ZBTB7C: variants seen among roughly 807,000 people sequenced by gnomAD.
The protein encoded by ZBTB7C is zinc finger and BTB domain containing 7C, also known as zinc finger and BTB domain-containing protein 7C.
Under a neutral mutation model 25.7 loss-of-function variants are expected in ZBTB7C, and 8 were observed. That is an observed-to-expected ratio of 0.31 (90% CI 0.18 to 0.56). The LOEUF (loss-of-function observed/expected upper bound fraction) is 0.56, where lower values mean the gene tolerates loss of function less well. Ranked by LOEUF, ZBTB7C falls within the 20% of genes least tolerant of loss-of-function variation. ZBTB7C has a pLI of 0.91. For synonymous variants in ZBTB7C, 394 were observed against 369.0 expected (o/e 1.07, Z -0.78); for missense variants, 824 against 855.2 (o/e 0.96, Z 0.46).
At chr18:48,376,057 G>T (rs567740575) in intron 1 of ZBTB7C, among the ~76,000 whole-genome samples, 12 of 152,224 alleles carry the variant, frequency 7.9e-5, no homozygotes, top group Admixed American at 5.2e-4. Flanking sequence ...GCAGTTCTGG[G>T]GTGGGACTGG....
intron 1 of ZBTB7C, among the ~76,000 whole-genome samples, chr18:48,404,167 G>T (rs889288815): frequency 1.4e-4 from 21 of 152,186 alleles, no homozygotes; most frequent in Non-Finnish European, 2.8e-4. Flanking sequence ...CAGGAGAATT[G>T]CTTGAACCCA....
At chr18:48,214,593 T>C (rs767841481) in intron 2 of ZBTB7C, among the ~76,000 whole-genome samples, 15 of 152,240 alleles carry the variant, frequency 9.9e-5, no homozygotes, top group Admixed American at 2.6e-4. Context: ...TACATCAGCA[T>C]GCTAAAGGAA....
At chr18:48,096,839 T>C (rs2144586748) in intron 3 of ZBTB7C, among the ~76,000 whole-genome samples, 1 of 152,358 alleles carries the variant, frequency 6.6e-6, no homozygotes, top group East Asian at 1.9e-4. Context: ...TCAACAGTTA[T>C]CAAAGTTTGT....
chr18:48,318,653 A>C (rs1249769333), intron 2 of ZBTB7C, among the ~76,000 whole-genome samples: 1 of 152,192 alleles, frequency 6.6e-6, no homozygotes, highest in Non-Finnish European at 1.5e-5. Context: ...GCCCTGCTGC[A>C]TACACCCCCT....
intron 2 of ZBTB7C, among the ~76,000 whole-genome samples, chr18:48,242,278 T>C (rs2043550604): frequency 6.6e-6 from 1 of 152,054 alleles, no homozygotes; most frequent in East Asian, 1.9e-4. Flanking sequence ...AAAAGAAGAA[T>C]TGGTACCAAT....
At chr18:48,127,664 C>T (rs1162832051) in intron 3 of ZBTB7C, among the ~76,000 whole-genome samples, 2 of 152,342 alleles carry the variant, frequency 1.3e-5, no homozygotes, top group South Asian at 2.1e-4. Context: ...GAGGCTCACT[C>T]GACCTTTCAT....
At chr18:48,093,737 C>A (rs2038510404) in intron 3 of ZBTB7C, among the ~76,000 whole-genome samples, 1 of 152,206 alleles carries the variant, frequency 6.6e-6, no homozygotes, top group African/African-American at 2.4e-5. Flanking sequence ...CAGGCAGCAT[C>A]TTGGTTTTTA....
At chr18:48,091,232 C>T (rs950271811) in intron 3 of ZBTB7C, among the ~76,000 whole-genome samples, 12 of 116,130 alleles carry the variant, frequency 1.0e-4, no homozygotes, top group East Asian at 2.6e-4. Context: ...CCACTATGCC[C>T]GGATAATTTT....
At chr18:48,148,714 T>C (rs2040573758) in intron 3 of ZBTB7C, 2 of 152,212 alleles carry the variant, frequency 1.3e-5, no homozygotes, top group Admixed American at 6.5e-5. Context: ...CTTCGTAGCT[T>C]TCAAAGGTAC....
chr18:48,409,887 C>T (rs2048363648), upstream of ZBTB7C, among the ~76,000 whole-genome samples: 1 of 152,144 alleles, frequency 6.6e-6, no homozygotes, highest in African/African-American at 2.4e-5. Context: ...CTCCGGTCTC[C>T]TGACGCCCTC....
chr18:48,214,141 T>C (rs2042768904), intron 2 of ZBTB7C, among the ~76,000 whole-genome samples: 1 of 152,222 alleles, frequency 6.6e-6, no homozygotes, highest in Non-Finnish European at 1.5e-5. Context: ...AAAATACACA[T>C]AACATGAAAA....
intron 3 of ZBTB7C, among the ~76,000 whole-genome samples, chr18:48,140,113 G>T (rs900435611): frequency 3.9e-5 from 6 of 152,252 alleles, no homozygotes; most frequent in African/African-American, 1.4e-4. Flanking sequence ...CACCGAGCAT[G>T]GCTCAGAAAG....
At chr18:48,407,290 ATTC>A (rs781650328) in intron 1 of ZBTB7C, among the ~76,000 whole-genome samples, 2 of 152,328 alleles carry the variant, frequency 1.3e-5, no homozygotes, top group South Asian at 4.1e-4. Flanking sequence ...AAAGCTGCAA[ATTC>A]TTCTTGGCTA....
chr18:48,031,743 C>G (rs1027194559), intron 4 of ZBTB7C, among the ~76,000 whole-genome samples: 12 of 152,238 alleles, frequency 7.9e-5, no homozygotes, highest in Non-Finnish European at 1.8e-4. Context: ...ACACTGAGAA[C>G]CACCGGTCTA....
chr18:48,231,259 T>A (rs945274945), intron 2 of ZBTB7C, among the ~76,000 whole-genome samples: 3 of 152,080 alleles, frequency 2.0e-5, no homozygotes, highest in African/African-American at 7.2e-5. Context: ...AGTGAGAACT[T>A]ATGGTGCTTT....
intron 3 of ZBTB7C, among the ~76,000 whole-genome samples, chr18:48,084,169 A>G (rs2038095298): frequency 6.6e-6 from 1 of 152,084 alleles, no homozygotes. Context: ...CGGAGCAACT[A>G]AGGAGAGAAT....
intron 3 of ZBTB7C, among the ~76,000 whole-genome samples, chr18:48,061,014 GGGATTGGACAGT>G (rs973442384): frequency 1.1e-4 from 17 of 152,154 alleles, no homozygotes; most frequent in African/African-American, 4.1e-4. Flanking sequence ...GGGCTGGGGT[GGGATTGGACAGT>G]GGTAGGGACA....
intron 2 of ZBTB7C, among the ~76,000 whole-genome samples, chr18:48,240,843 A>C (rs2043504045): frequency 6.6e-6 from 1 of 152,210 alleles, no homozygotes; most frequent in South Asian, 2.1e-4. Flanking sequence ...GTAGCACCTC[A>C]CATCTTAACA....
At chr18:48,400,075 T>C (rs1327737358) in intron 1 of ZBTB7C, among the ~76,000 whole-genome samples, 1 of 152,056 alleles carries the variant, frequency 6.6e-6, no homozygotes, top group African/African-American at 2.4e-5. Flanking sequence ...ATTGAAACAA[T>C]CAAAACATGT....
Sources: allele counts gnomAD v4.1 joint callset (sites outside exome capture counted in the v4.1 genomes callset), GRCh38; gene constraint gnomAD v4.1.1; transcripts MANE v1.5; gene names NCBI Gene and HGNC (gene_info 2026-07-23, HGNC 2026-07-21).